The following CCDC171 variants were observed in gnomAD, a reference collection of about 807,000 sequenced individuals.
CCDC171 encodes coiled-coil domain-containing protein 171.
CCDC171 carries 177 observed loss-of-function variants against 168.2 expected under a neutral mutation model. That is an observed-to-expected ratio of 1.05 (90% CI 0.93 to 1.19). The LOEUF is 1.19. Ranked by LOEUF, CCDC171 falls within the 50% of genes most tolerant of loss-of-function variation. The pLI, the probability that CCDC171 is intolerant of heterozygous loss-of-function variation, is 0.00. For synonymous variants in CCDC171, 687 were observed against 540.8 expected (o/e 1.27, Z -3.75); for missense variants, 1,991 against 1,539.0 (o/e 1.29, Z -4.91).
At chr9:16,039,128 A>G (rs1276019121), upstream of CCDC171, among the ~76,000 whole-genome samples, 2 of 152,238 alleles carry the variant, frequency 1.3e-5, no homozygotes, top group African/African-American at 2.4e-5. Flanking sequence ...TGGGAATGAT[A>G]ATGAGAGTTG....
In CCDC171 at chr9:15,973,628, C is replaced by T. The variant is rs1369400755; in HGVS notation, c.*1792C>T. ...ATTATTTTTAATATGACCTGTGTAA[C>T]ATGACCTGTATGAAATTCAACTTGC... On this transcript the variant is annotated 3_prime_UTR_variant, in exon 26 of 26. Transcript: ENST00000380701. 6.6e-6 allele frequency: 1 copy of T among 152,130 alleles called. No individual in the cohort carries two copies. The highest frequency in any genetic ancestry group is 1.5e-5 in the Non-Finnish European group (1 of 68,030). The allele number at this position is 152,130 out of a possible 1,614,324, so 9.4% of individuals were successfully genotyped here.
intron 1 of CCDC171, among the ~76,000 whole-genome samples, chr9:15,562,235 C>G (rs1409388862): frequency 2.0e-5 from 3 of 152,062 alleles, no homozygotes; most frequent in African/African-American, 7.2e-5. Context: ...ACCTCGTGAT[C>G]CACCCACCTC....
At chr9:15,630,503 C>T (rs1156505159) in intron 7 of CCDC171, among the ~76,000 whole-genome samples, 1 of 152,158 alleles carries the variant, frequency 6.6e-6, no homozygotes, top group Non-Finnish European at 1.5e-5. Flanking sequence ...GCACCCAATA[C>T]AGGAGCACGA....
At chr9:15,647,348 A>T (rs1425358243) in intron 7 of CCDC171, among the ~76,000 whole-genome samples, 1 of 152,198 alleles carries the variant, frequency 6.6e-6, no homozygotes, top group Non-Finnish European at 1.5e-5. Flanking sequence ...AGAATTACAG[A>T]AGCAAGAGCA....
At chr9:15,661,716 C>T (rs1049063159) in intron 8 of CCDC171, among the ~76,000 whole-genome samples, 1 of 152,116 alleles carries the variant, frequency 6.6e-6, no homozygotes, top group African/African-American at 2.4e-5. Flanking sequence ...AATGAGAAAG[C>T]AGACTTAAAA....
At chr9:15,988,337 A>T (rs181507899) in intron 3 of CCDC171, among the ~76,000 whole-genome samples, 45 of 152,312 alleles carry the variant, frequency 3.0e-4, no homozygotes, top group African/African-American at 9.6e-4. Flanking sequence ...TCCTCAAGGG[A>T]TGACTAGCCA....
chr9:15,785,485 T>G (rs556440933), intron 21 of CCDC171, among the ~76,000 whole-genome samples: 1 of 152,120 alleles, frequency 6.6e-6, no homozygotes, highest in Non-Finnish European at 1.5e-5. Flanking sequence ...AATGATAAAA[T>G]AGCCAAAATT....
chr9:15,657,779 A>G (rs1447672782), intron 8 of CCDC171, among the ~76,000 whole-genome samples: 2 of 152,190 alleles, frequency 1.3e-5, no homozygotes, highest in African/African-American at 2.4e-5. Flanking sequence ...TGGGAATATA[A>G]TAAAGAAAAG....
intron 13 of CCDC171, among the ~76,000 whole-genome samples, chr9:15,724,247 T>C (rs2053663600): frequency 6.6e-6 from 1 of 152,194 alleles, no homozygotes; most frequent in Non-Finnish European, 1.5e-5. Flanking sequence ...GAGTCAACTC[T>C]CAGAAGTTTC....
chr9:15,676,802 G>C (rs981603165), intron 9 of CCDC171, among the ~76,000 whole-genome samples: 1 of 152,088 alleles, frequency 6.6e-6, no homozygotes, highest in East Asian at 1.9e-4. Context: ...TTTAGTGTTT[G>C]AGAAGTCTGA....
rs371323409 is a variant in CCDC171, at chr9:15,784,578, C to G, written c.3151C>G (p.Gln1051Glu). 1.9e-6 allele frequency: 3 copies of G among 1,612,790 alleles called. No individual in the cohort carries two copies. In the African/African-American group the frequency reaches 4.0e-5, roughly 22 times the overall value. ...ELNNALLREE[Q>E]AQMLLNEQAQ... is the part of the protein sequence containing the mutation. ...AAATAATGCATTACTTCGGGAAGAG[C>G]AGGCACAAATGCTATTGAATGAACA... Residue 1051 changes from glutamine (Q) to glutamate (E), a missense_variant, in exon 21 of 26, where the codon CAG becomes GAG. By Grantham distance (29) the Gln-to-Glu change is conservative. Transcript: ENST00000380701.
At chr9:15,718,936 C>T (rs971438969) in intron 11 of CCDC171, among the ~76,000 whole-genome samples, 1 of 152,118 alleles carries the variant, frequency 6.6e-6, no homozygotes, top group East Asian at 1.9e-4. Context: ...GAAGAACATC[C>T]GCAAGCATCA....
At chr9:15,925,150 A>C (rs1208293555) in intron 25 of CCDC171, among the ~76,000 whole-genome samples, 1 of 151,660 alleles carries the variant, frequency 6.6e-6, no homozygotes, top group African/African-American at 2.4e-5. Flanking sequence ...ACACTAAATA[A>C]TGTGTAATTA....
chr9:15,805,932 A>G (rs987784365), intron 21 of CCDC171, among the ~76,000 whole-genome samples: 1 of 152,040 alleles, frequency 6.6e-6, no homozygotes, highest in African/African-American at 2.4e-5. Flanking sequence ...TTATGAATCT[A>G]GATGCTCCTT....
At chr9:16,013,614 C>T (rs1832935936) in intron 3 of CCDC171, among the ~76,000 whole-genome samples, 2 of 152,214 alleles carry the variant, frequency 1.3e-5, no homozygotes, top group South Asian at 2.1e-4. Flanking sequence ...CTACCTTTCT[C>T]ATCTCTAACT....
At chr9:15,821,763 G>A (rs1466280404) in intron 21 of CCDC171, among the ~76,000 whole-genome samples, 2 of 116,304 alleles carry the variant, frequency 1.7e-5, no homozygotes, top group African/African-American at 6.5e-5. Context: ...ACTGCCCAAG[G>A]TAATTTATAC....
At chr9:15,583,284 G>A (rs1426211104) in intron 4 of CCDC171, among the ~76,000 whole-genome samples, 7 of 151,812 alleles carry the variant, frequency 4.6e-5, no homozygotes, top group African/African-American at 1.2e-4. Flanking sequence ...GTGTGGTGGC[G>A]CACGCCTGTA....
chr9:15,892,186 C>G (rs781541968), intron 24 of CCDC171, among the ~76,000 whole-genome samples: 19 of 152,112 alleles, frequency 1.2e-4, no homozygotes, highest in African/African-American at 2.2e-4. Flanking sequence ...ATTTGAATAG[C>G]CTTTATTTCT....
At chr9:15,811,656 C>A (rs1353731318) in intron 21 of CCDC171, among the ~76,000 whole-genome samples, 2 of 151,900 alleles carry the variant, frequency 1.3e-5, no homozygotes, top group African/African-American at 4.8e-5. Flanking sequence ...TGATTTTTTT[C>A]TTGAGTCCTG....
Sources: allele counts gnomAD v4.1 joint callset (sites outside exome capture counted in the v4.1 genomes callset), GRCh38; gene constraint gnomAD v4.1.1; transcripts MANE v1.5; gene names NCBI Gene and HGNC (gene_info 2026-07-23, HGNC 2026-07-21).